Variants in CD109 observed in about 807,000 individuals in gnomAD.
The protein encoded by CD109 is CD109 molecule, also known as CD109 antigen.
CD109 carries 149 observed loss-of-function variants against 165.8 expected under a neutral mutation model. That is an observed-to-expected ratio of 0.90 (90% CI 0.79 to 1.03). CD109 has a LOEUF of 1.03. Ranked by LOEUF, CD109 falls within the 50% of genes least tolerant of loss-of-function variation. The pLI is 0.00. For missense variants in CD109, 1,712 were observed against 1,677.8 expected (o/e 1.02, Z -0.36); for synonymous variants, 585 against 592.1 (o/e 0.99, Z 0.18).
chr6:73,795,662 C>T (rs1775129136), intron 23 of CD109, among the ~76,000 whole-genome samples: 1 of 152,106 alleles, frequency 6.6e-6, no homozygotes. Flanking sequence ...TTAAGAATGC[C>T]GAGCGCTACA....
chr6:73,693,588 T>G (rs2150139056), upstream of CD109, among the ~76,000 whole-genome samples: 1 of 152,356 alleles, frequency 6.6e-6, no homozygotes, highest in African/African-American at 2.4e-5. Flanking sequence ...TCTTGCTCTG[T>G]CACCCAGACT....
chr6:73,777,820 G>T (rs1214065541), intron 15 of CD109, among the ~76,000 whole-genome samples: 1 of 152,130 alleles, frequency 6.6e-6, no homozygotes, highest in Admixed American at 6.6e-5. Context: ...CTATAGCCTT[G>T]TAGTACAGTT....
chr6:73,815,203 A>G, intron 30 of CD109, 80 bp downstream of exon 30: 1 of 1,214,644 alleles, frequency 8.2e-7, no homozygotes, highest in Non-Finnish European at 1.1e-6. Flanking sequence ...AGTTGTCTAT[A>G]TCAATCTAAG....
chr6:73,692,780 T>C (rs556720596), upstream of CD109, among the ~76,000 whole-genome samples: 1 of 152,210 alleles, frequency 6.6e-6, no homozygotes, highest in African/African-American at 2.4e-5. Flanking sequence ...AATATGATGG[T>C]TTTATAAAGG....
intron 15 of CD109, among the ~76,000 whole-genome samples, chr6:73,777,627 A>G (rs9447015): frequency 0.39 from 59,290 of 152,106 alleles, 11,865 homozygotes; most frequent in African/African-American, 0.48. Context: ...AGTCTTCTGC[A>G]TATGGCTAGC....
chr6:73,734,328 G>A (rs765473994), intron 4 of CD109, among the ~76,000 whole-genome samples: 2 of 152,114 alleles, frequency 1.3e-5, no homozygotes, highest in African/African-American at 2.4e-5. Flanking sequence ...CTACCATAAT[G>A]TTTCAGTAGA....
At chr6:73,818,975 G>T (rs1390972152) in intron 31 of CD109, among the ~76,000 whole-genome samples, 3 of 152,100 alleles carry the variant, frequency 2.0e-5, no homozygotes, top group Non-Finnish European at 4.4e-5. Flanking sequence ...GGGACCACAG[G>T]TGCATGCCAC....
At chr6:73,755,035 T>C (rs1388287940) in intron 5 of CD109, among the ~76,000 whole-genome samples, 1 of 152,238 alleles carries the variant, frequency 6.6e-6, no homozygotes, top group Non-Finnish European at 1.5e-5. Flanking sequence ...TTGTTACTTA[T>C]TCCATAGTCT....
chr6:73,775,492 C>G (rs1774209509), intron 15 of CD109, among the ~76,000 whole-genome samples: 1 of 152,092 alleles, frequency 6.6e-6, no homozygotes, highest in Admixed American at 6.6e-5. Flanking sequence ...CCCCCTCGCC[C>G]CTGTAACCAT....
intron 31 of CD109, 58 bp from the exon 32 acceptor site, chr6:73,820,403 T>C: frequency 3.4e-6 from 3 of 891,074 alleles, no homozygotes; most frequent in Non-Finnish European, 5.3e-6. Flanking sequence ...GAAATGTCTT[T>C]ACTTAATCAT....
chr6:73,687,373 TTCTTTC>T, the CD109 span, among the ~76,000 whole-genome samples: 7 of 151,412 alleles, frequency 4.6e-5, no homozygotes, highest in Non-Finnish European at 1.0e-4. Context: ...TCCTTCCTCT[TTCTTTC>T]TCTTTCTCCT....
intron 10 of CD109, among the ~76,000 whole-genome samples, chr6:73,764,817 A>C (rs1023734754): frequency 1.5e-5 from 2 of 130,438 alleles, no homozygotes; most frequent in Non-Finnish European, 3.2e-5. Context: ...ACTCCATTTC[A>C]AAAAAAAAAA....
chr6:73,810,982 C>T lies in CD109; in HGVS notation c.3547-10C>T, dbSNP rs1251180181. The T allele has an allele frequency of 3.7e-6, 6 of 1,606,902 alleles. No individual in the cohort carries two copies. Among genetic ancestry groups the T allele is most frequent in the East Asian group, 4.5e-5 (2 of 44,828 alleles). On this transcript the variant is annotated splice_polypyrimidine_tract_variant and intron_variant, in intron 27 of 32. Transcript: ENST00000287097. ...ACTTATATGTACAAATGTTTTTCTT[C>T]CCTCAACAGGATACCACTGTGGCTT...
intron 4 of CD109, among the ~76,000 whole-genome samples, chr6:73,733,412 C>T (rs1403065148): frequency 6.6e-6 from 1 of 152,198 alleles, no homozygotes; most frequent in African/African-American, 2.4e-5. Context: ...TGCAGGCCAT[C>T]TTTGGGTGTT....
At position 73,802,134 on chromosome 6, in the gene CD109, T is replaced by C. The variant is rs140252033; in HGVS notation, c.2879-1086T>C. Among the ~76,000 whole-genome samples, 993 of 152,060 alleles carry C rather than the reference T, an allele frequency of 6.5e-3. 7 individuals carry two copies. The highest frequency in any genetic ancestry group is 0.022 in the African/African-American group (918 of 41,468). On this transcript the variant is annotated intron_variant, in intron 23 of 32. Coordinates refer to ENST00000287097, the MANE Select transcript of CD109 (RefSeq NM_133493.5). ...AACATCTGCTTTTTATTTGCAATCA[T>C]TTATTTGTAACTATTTGCAAATATG...
At chr6:73,789,718 C>T (rs968944386) in intron 22 of CD109, among the ~76,000 whole-genome samples, 5 of 151,796 alleles carry the variant, frequency 3.3e-5, no homozygotes, top group African/African-American at 4.8e-5. Flanking sequence ...CCTCGGCCTC[C>T]CAAAGTGCTG....
At position 73,791,136 on chromosome 6, in the gene CD109, CATATATATATATAT is replaced by C. The variant is rs61429872; in HGVS notation, c.2702-1462_2702-1449del. Among the ~76,000 whole-genome samples, 74 of 56,322 alleles carry C rather than the reference CATATATATATATAT, an allele frequency of 1.3e-3. 1 individual carries two copies. Among genetic ancestry groups the C allele is most frequent in the Middle Eastern group, 0.021 (2 of 96 alleles). The allele number at this position is 56,322 out of a possible 152,430, so 36.9% of individuals were successfully genotyped here. On this transcript the variant is annotated intron_variant, in intron 22 of 32. Coordinates refer to ENST00000287097, the MANE Select transcript of CD109 (RefSeq NM_133493.5). ...TTGGAGGCATATATATACATACATA[CATATATATATATAT>C]ATATATATATATATATATATATATA...
At chr6:73,813,917 A>G (rs2150304491) in intron 29 of CD109, among the ~76,000 whole-genome samples, 2 of 152,228 alleles carry the variant, frequency 1.3e-5, no homozygotes, top group East Asian at 1.9e-4. Flanking sequence ...CATTTCTCCA[A>G]TTTTATGGGA....
Position 73,768,156 on chromosome 6 carries a change from G to T in CD109, c.1599G>T (p.Val533=). 1 of 1,602,890 alleles carries T rather than the reference G, an allele frequency of 6.2e-7. No individual in the cohort carries two copies. The highest frequency in any genetic ancestry group is 1.3e-5 in the African/African-American group (1 of 74,800). The change falls in exon 14 of 33, where the codon GTG becomes GTT. Residue 533 remains valine, a synonymous_variant. Transcript: ENST00000287097. Reference sequence around the variant, plus strand: ...GGACTCCAAAAGCCTGTGTAATTGTGTATTATATTGAAGATGATGGGGAAA... The same window carrying T: ...GGACTCCAAAAGCCTGTGTAATTGTTTATTATATTGAAGATGATGGGGAAA... ...NSWTPKACVI[V]YYIEDDGEII...
Sources: allele counts gnomAD v4.1 joint callset (sites outside exome capture counted in the v4.1 genomes callset), GRCh38; gene constraint gnomAD v4.1.1; transcripts MANE v1.5; gene names NCBI Gene and HGNC (gene_info 2026-07-23, HGNC 2026-07-21).